The following CSGALNACT1 variants were observed in gnomAD, a reference collection of about 807,000 sequenced individuals.
CSGALNACT1 encodes the protein chondroitin sulfate N-acetylgalactosaminyltransferase 1.
In CSGALNACT1, 52 loss-of-function variants were observed where a neutral mutation model predicts 51.0. That is an observed-to-expected ratio of 1.02 (90% confidence interval 0.82 to 1.29). The LOEUF (loss-of-function observed/expected upper bound fraction) is 1.29, where lower values mean the gene tolerates loss of function less well. Ranked by LOEUF, CSGALNACT1 falls within the 50% of genes most tolerant of loss-of-function variation. CSGALNACT1 has a pLI of 0.00. For missense variants in CSGALNACT1, 935 were observed against 679.2 expected (o/e 1.38, Z -4.19); for synonymous variants, 341 against 254.4 (o/e 1.34, Z -3.24).
intron 3 of CSGALNACT1, among the ~76,000 whole-genome samples, chr8:19,517,449 G>A (rs1417574867): frequency 6.6e-6 from 1 of 152,046 alleles, no homozygotes; most frequent in East Asian, 1.9e-4. Flanking sequence ...TCAAAAAAAA[G>A]AAAAGAAGAA....
At chr8:19,700,214 A>G (rs1241226428) in intron 1 of CSGALNACT1, among the ~76,000 whole-genome samples, 8 of 151,888 alleles carry the variant, frequency 5.3e-5, no homozygotes, top group Non-Finnish European at 1.2e-4. Context: ...TTTTTTAGTA[A>G]TATAAATTGT....
At chr8:19,654,958 T>C (rs935136923) in intron 1 of CSGALNACT1, among the ~76,000 whole-genome samples, 9 of 152,004 alleles carry the variant, frequency 5.9e-5, no homozygotes, top group African/African-American at 2.2e-4. Flanking sequence ...AAAAAAAAAT[T>C]CTAAAATCAC....
chr8:19,747,273 G>C (rs775037068), intron 1 of CSGALNACT1, among the ~76,000 whole-genome samples: 1 of 152,040 alleles, frequency 6.6e-6, no homozygotes, highest in Admixed American at 6.5e-5. Flanking sequence ...AAAAAAGCCG[G>C]TATTTCCAAC....
chr8:19,572,969 G>A (rs1283770739), intron 3 of CSGALNACT1, among the ~76,000 whole-genome samples: 40 of 152,144 alleles, frequency 2.6e-4, no homozygotes, highest in Non-Finnish European at 5.9e-5. Context: ...CAGTACGAGG[G>A]ATTCAGAATC....
chr8:19,527,662 G>A (rs2081971131), intron 3 of CSGALNACT1, among the ~76,000 whole-genome samples: 1 of 152,194 alleles, frequency 6.6e-6, no homozygotes, highest in African/African-American at 2.4e-5. Context: ...GAGTGGCATA[G>A]GCTTGGAAGC....
At chr8:19,459,447 T>G (rs2064896788) in intron 4 of CSGALNACT1, among the ~76,000 whole-genome samples, 1 of 149,142 alleles carries the variant, frequency 6.7e-6, no homozygotes, top group East Asian at 2.0e-4. Context: ...CTGACCATAG[T>G]AATCTATTTG....
At chr8:19,573,994 C>T (rs2043600262) in intron 3 of CSGALNACT1, among the ~76,000 whole-genome samples, 1 of 152,164 alleles carries the variant, frequency 6.6e-6, no homozygotes, top group South Asian at 2.1e-4. Flanking sequence ...TATGACGGCT[C>T]ACTGCAGCCT....
intron 1 of CSGALNACT1, among the ~76,000 whole-genome samples, chr8:19,650,522 C>T (rs572674321): frequency 1.3e-5 from 2 of 152,216 alleles, no homozygotes; most frequent in East Asian, 1.9e-4. Context: ...CAAATGCAAT[C>T]CAATGGGCAC....
chr8:19,526,703 A>G (rs2081780814), intron 3 of CSGALNACT1, among the ~76,000 whole-genome samples: 1 of 152,206 alleles, frequency 6.6e-6, no homozygotes, highest in Non-Finnish European at 1.5e-5. Flanking sequence ...ACAAAAATAA[A>G]CCATTTCTAA....
intron 5 of CSGALNACT1, among the ~76,000 whole-genome samples, chr8:19,443,135 C>G (rs942400618): frequency 6.6e-6 from 1 of 152,202 alleles, no homozygotes; most frequent in Non-Finnish European, 1.5e-5. Context: ...CCCACATCAG[C>G]TATTTGTGTT....
intron 5 of CSGALNACT1, among the ~76,000 whole-genome samples, chr8:19,453,099 A>G (rs2063489154): frequency 6.6e-6 from 1 of 152,232 alleles, no homozygotes; most frequent in Admixed American, 6.5e-5. Flanking sequence ...CATCCCAAGA[A>G]TCAGAATAAA....
At chr8:19,447,936 G>A (rs1423828685) in intron 5 of CSGALNACT1, among the ~76,000 whole-genome samples, 1 of 152,196 alleles carries the variant, frequency 6.6e-6, no homozygotes, top group African/African-American at 2.4e-5. Context: ...GGAATGTAAT[G>A]GTGTTAGTGT....
chr8:19,446,989 A>G (rs2062237150), intron 5 of CSGALNACT1, among the ~76,000 whole-genome samples: 1 of 152,316 alleles, frequency 6.6e-6, no homozygotes, highest in South Asian at 2.1e-4. Flanking sequence ...ATCACAAAAC[A>G]TGTATCACAG....
At chr8:19,635,941 G>C (rs543765927) in intron 1 of CSGALNACT1, among the ~76,000 whole-genome samples, 99 of 152,230 alleles carry the variant, frequency 6.5e-4, no homozygotes, top group African/African-American at 2.4e-3. Flanking sequence ...TGTTGGCCAG[G>C]CTGGTCTCGA....
exon 10 of CSGALNACT1, chr8:19,405,517 C>A (rs991566749): frequency 1.6e-6 from 1 of 624,222 alleles, no homozygotes; most frequent in Non-Finnish European, 3.0e-6. Context: ...AAAACCTCCA[C>A]ACCATTAGGC....
chr8:19,646,810 T>C (rs1198965484), intron 1 of CSGALNACT1, among the ~76,000 whole-genome samples: 1 of 152,154 alleles, frequency 6.6e-6, no homozygotes, highest in East Asian at 1.9e-4. Flanking sequence ...GTACCTACTG[T>C]GAAGCTTACC....
chr8:19,539,667 G>A (rs757775395), intron 3 of CSGALNACT1, among the ~76,000 whole-genome samples: 6 of 152,134 alleles, frequency 3.9e-5, no homozygotes, highest in Non-Finnish European at 7.3e-5. Context: ...GCACTGTCAG[G>A]CCACAACAGG....
intron 1 of CSGALNACT1, among the ~76,000 whole-genome samples, chr8:19,725,945 T>C (rs2063377036): frequency 6.6e-6 from 1 of 152,212 alleles, no homozygotes. Context: ...CTCGGTATTG[T>C]ACATTCTATG....
At chr8:19,612,683 G>C (rs77472576) in intron 1 of CSGALNACT1, among the ~76,000 whole-genome samples, 10 of 151,806 alleles carry the variant, frequency 6.6e-5, no homozygotes, top group African/African-American at 2.4e-4. Context: ...TGTAGCTTCC[G>C]ACATCTGAGA....
Sources: gnomAD v4.1 joint callset for allele counts (sites outside exome capture counted in the v4.1 genomes callset) on GRCh38, gnomAD v4.1.1 for gene constraint, MANE v1.5 for transcripts, NCBI Gene and HGNC (gene_info 2026-07-23, HGNC 2026-07-21) for gene names.